Variants in GNPTAB observed in about 807,000 individuals in gnomAD.
GNPTAB encodes the protein N-acetylglucosamine-1-phosphotransferase subunits alpha/beta.
In GNPTAB, 92 loss-of-function variants were observed where a neutral mutation model predicts 136.6. The observed-to-expected ratio is 0.67, with a 90% CI of 0.57 to 0.80. The LOEUF (loss-of-function observed/expected upper bound fraction) is 0.80, where lower values mean the gene tolerates loss of function less well. GNPTAB is among the 30% of genes least tolerant of loss of function. GNPTAB has a pLI of 0.00. For synonymous variants in GNPTAB, 512 were observed against 535.1 expected (o/e 0.96, Z 0.60); for missense variants, 1,343 against 1,501.8 (o/e 0.89, Z 1.75).
chr12:101,761,515 G>C (rs1566071650), intron 14 of GNPTAB, 49 bp downstream of exon 14: 2 of 1,534,144 alleles, frequency 1.3e-6, no homozygotes, highest in Non-Finnish European at 9.0e-7. Context: ...ATTTCAAGTA[G>C]CCTTAGTTCT....
chr12:101,786,329 A>G, intron 4 of GNPTAB, 112 bp from the exon 5 acceptor site: 1 of 823,826 alleles, frequency 1.2e-6, no homozygotes, highest in East Asian at 2.7e-5. Flanking sequence ...ATAAAAAATG[A>G]TAATATTTTA....
At position 101,760,055 on chromosome 12, in the gene GNPTAB, T is replaced by C; in HGVS notation, c.3224A>G (p.Gln1075Arg). 2 of 1,610,326 alleles carry C rather than the reference T, an allele frequency of 1.2e-6. No homozygotes were observed. Among genetic ancestry groups the C allele is most frequent in the Non-Finnish European group, 1.7e-6 (2 of 1,176,498 alleles). ...CAGGTTGGGATCATAGTAGGATTCCTGAGTTGGTGGAATATTATTTAGCTG... is the reference window on the plus strand; with the variant it reads ...CAGGTTGGGATCATAGTAGGATTCCCGAGTTGGTGGAATATTATTTAGCTG... ...ITQLNNIPPT[Q>R]ESYYDPNLPP... The change falls in exon 16 of 21, where the codon CAG becomes CGG. Residue 1075 changes from glutamine to arginine, a missense_variant. Coordinates refer to ENST00000299314, the MANE Select transcript of GNPTAB (RefSeq NM_024312.5).
chr12:101,805,069 T>A (rs1474333365), intron 1 of GNPTAB, among the ~76,000 whole-genome samples: 1 of 147,648 alleles, frequency 6.8e-6, no homozygotes, highest in Non-Finnish European at 1.5e-5. Context: ...AATTAAAATA[T>A]ATCATGTGAA....
intron 1 of GNPTAB, among the ~76,000 whole-genome samples, chr12:101,800,959 C>G (rs1869584705): frequency 6.6e-6 from 1 of 151,856 alleles, no homozygotes; most frequent in Admixed American, 6.6e-5. Flanking sequence ...AAAACAAGGG[C>G]CAGGTGGCTG....
At position 101,770,003 on chromosome 12, in the gene GNPTAB, C is replaced by G. The variant is rs748799641; in HGVS notation, c.1284+18G>C. ...GTGACTTCCACGCTAGACAACCCCC[C>G]TCCTCTTAGGCACTCACCTTCTGGC... On this transcript the variant is annotated intron_variant, in intron 10 of 20. Transcript: ENST00000299314. The G allele has an allele frequency of 1.7e-5, 28 of 1,612,148 alleles. No homozygotes were observed. Among genetic ancestry groups the G allele is most frequent in the Non-Finnish European group, 1.9e-5 (22 of 1,178,894 alleles).
At chr12:101,772,375 C>A (rs7979857) in intron 7 of GNPTAB, among the ~76,000 whole-genome samples, 1,804 of 152,298 alleles carry the variant, frequency 0.012, 25 homozygotes, top group African/African-American at 0.041. Context: ...CATGACTATT[C>A]TTAGCTCATT....
intron 5 of GNPTAB, among the ~76,000 whole-genome samples, chr12:101,784,728 G>T (rs1234750684): frequency 1.3e-5 from 2 of 151,676 alleles, no homozygotes; most frequent in African/African-American, 4.9e-5. Context: ...ATTAGTTATA[G>T]ATGTAAAAAG....
In GNPTAB at chr12:101,768,077, A is replaced by G; in HGVS notation, c.1368T>C (p.Cys456=). 6.2e-7 allele frequency: 1 copy of G among 1,614,116 alleles called. No homozygotes were observed. The highest frequency in any genetic ancestry group is 1.1e-5 in the South Asian group (1 of 91,082). Residue 456 remains cysteine, a synonymous_variant, in exon 11 of 21, where the codon TGT becomes TGC. Coordinates refer to ENST00000299314, the MANE Select transcript of GNPTAB (RefSeq NM_024312.5). ...CATCCCAATCGCAGGCTGAATTATT[A>G]CAAGCCTTGTCACAATAGCCATCCT... is the stretch of plus-strand genomic sequence containing the variant. ...WIKDGYCDKA[C]NNSACDWDGG... is the part of the protein sequence containing the mutation.
intron 19 of GNPTAB, among the ~76,000 whole-genome samples, chr12:101,752,793 T>C (rs372094720): frequency 1.2e-4 from 18 of 152,328 alleles, no homozygotes; most frequent in East Asian, 3.9e-4. Flanking sequence ...CACTTACACA[T>C]TGGTCAACAA....
At position 101,812,049 on chromosome 12, in the gene GNPTAB, C is replaced by T. The variant is rs539263910; in HGVS notation, c.118-15287G>A. Among the ~76,000 whole-genome samples the T allele has an allele frequency of 8.0e-5, 12 of 150,596 alleles. No homozygotes were observed. In the East Asian group the frequency reaches 1.6e-3, roughly 20 times the overall value. On this transcript the variant is annotated intron_variant, in intron 1 of 20. Coordinates refer to ENST00000299314, the MANE Select transcript of GNPTAB (RefSeq NM_024312.5). ...GGCAGATCACTTGAGGCCAGGAGTT[C>T]GAGACCAGCCTGGCCAACATGATGA...
rs185971532 is a variant in GNPTAB at position 101,746,541 on chromosome 12, T to C, written c.*623A>G. 3 of 152,556 alleles carry C rather than the reference T, an allele frequency of 2.0e-5. No homozygotes were observed. Among genetic ancestry groups the C allele is most frequent in the East Asian group, 3.9e-4 (2 of 5,194 alleles). 9.5% of individuals were successfully genotyped at this position (152,556 alleles called of 1,614,324 possible). On this transcript the variant is annotated 3_prime_UTR_variant, in exon 21 of 21. Transcript: ENST00000299314. ...TACAAAGCATTTCAGATGTCAATCA[T>C]TGAGCTCTTCAGTAGTTAGTGGTTT...
At chr12:101,773,709 G>C (rs1594224129) in intron 7 of GNPTAB, 1 of 152,012 alleles carries the variant, frequency 6.6e-6, no homozygotes, top group Non-Finnish European at 1.5e-5. Flanking sequence ...ATATGTATGA[G>C]AAAGATTTTC....
At chr12:101,763,670 G>A (rs1226534576) in intron 13 of GNPTAB, among the ~76,000 whole-genome samples, 2 of 152,192 alleles carry the variant, frequency 1.3e-5, no homozygotes, top group Non-Finnish European at 2.9e-5. Context: ...CAGTGGCTAT[G>A]TTCCCGTCAT....
intron 1 of GNPTAB, among the ~76,000 whole-genome samples, chr12:101,803,543 G>A (rs186388097): frequency 3.3e-4 from 50 of 152,304 alleles, no homozygotes; most frequent in Admixed American, 2.2e-3. Context: ...GATTCAAACC[G>A]AAGATGGATG....
Position 101,791,405 on chromosome 12 carries a change from A to C in GNPTAB, c.204-1348T>G, listed in dbSNP as rs370942956. On this transcript the variant is annotated intron_variant, in intron 2 of 20. Coordinates refer to ENST00000299314, the MANE Select transcript of GNPTAB (RefSeq NM_024312.5). ...GGCTTCCCTGGGCCACAGTGGGAGA[A>C]GAATTGTCTTGGGCCACACATAAAA... Among the ~76,000 whole-genome samples the C allele has an allele frequency of 1.8e-3, 281 of 152,026 alleles. 6 individuals carry two copies. The highest frequency in any genetic ancestry group is 6.5e-3 in the African/African-American group (271 of 41,444).
intron 4 of GNPTAB, 151 bp from the exon 5 acceptor site, chr12:101,786,368 C>A: frequency 1.4e-6 from 1 of 690,056 alleles, no homozygotes. Context: ...CTCATGGATA[C>A]AAAAATTAAG....
chr12:101,830,801 C>T lies in GNPTAB; in HGVS notation c.-126G>A. ...GCGCGCAGGTCACAGCCTCCGGGCG[C>T]CGCTCATTGCAGCTCCGGCGACGGA... is the stretch of plus-strand genomic sequence containing the variant. On this transcript the variant is annotated 5_prime_UTR_variant, in exon 1 of 21. Coordinates refer to ENST00000299314, the MANE Select transcript of GNPTAB (RefSeq NM_024312.5). 2 of 405,084 alleles carry T rather than the reference C, an allele frequency of 4.9e-6. No homozygotes were observed. Among genetic ancestry groups the T allele is most frequent in the Non-Finnish European group, 8.9e-6 (2 of 224,834 alleles). The allele number at this position is 405,084 out of a possible 1,614,324, so 25.1% of individuals were successfully genotyped here.
intron 5 of GNPTAB, among the ~76,000 whole-genome samples, chr12:101,781,562 A>C (rs1953345063): frequency 6.6e-6 from 1 of 152,032 alleles, no homozygotes; most frequent in South Asian, 2.1e-4. Flanking sequence ...GTGTGCACCT[A>C]TAGTCCCAGC....
intron 7 of GNPTAB, chr12:101,778,773 G>A (rs547191001): frequency 6.6e-6 from 1 of 152,358 alleles, no homozygotes; most frequent in East Asian, 1.9e-4. Context: ...CAGGCATGGT[G>A]GCGCATGCCT....
Sources: gnomAD v4.1 joint callset for allele counts (sites outside exome capture counted in the v4.1 genomes callset) on GRCh38, gnomAD v4.1.1 for gene constraint, MANE v1.5 for transcripts, NCBI Gene and HGNC (gene_info 2026-07-23, HGNC 2026-07-21) for gene names.